TECPR2: variants seen among roughly 807,000 people sequenced by gnomAD.
TECPR2 encodes tectonin beta-propeller repeat-containing protein 2.
A neutral mutation model predicts 138.1 loss-of-function variants in TECPR2; 65 were observed. The ratio of observed to expected loss-of-function variants is 0.47; its 90% CI spans 0.39 to 0.58. The LOEUF is 0.58. TECPR2 is among the 20% of genes least tolerant of loss of function. The pLI is 0.00. For synonymous variants in TECPR2, 746 were observed against 749.8 expected (o/e 0.99, Z 0.08); for missense variants, 1,553 against 1,824.5 (o/e 0.85, Z 2.71).
chr14:102,378,293 CTAATT>C lies in TECPR2; in HGVS notation c.219+1357_219+1361del, dbSNP rs1413698592. Among the ~76,000 whole-genome samples, 5 of 152,170 alleles carry C rather than the reference CTAATT, an allele frequency of 3.3e-5. No individual in the cohort carries two copies. In the South Asian group the frequency reaches 8.3e-4, roughly 25 times the overall value. ...ATTAAAGTTTTCATTTAAAACGTAA[CTAATT>C]TAAGCCTCTGTGCTCATTTTAAAAT... On this transcript the variant is annotated intron_variant, in intron 2 of 19. Transcript: ENST00000359520.
intron 8 of TECPR2, 130 bp from the exon 9 acceptor site, chr14:102,434,105 T>C: frequency 1.3e-6 from 1 of 797,758 alleles, no homozygotes; most frequent in Non-Finnish European, 1.7e-6. Context: ...ACTTAAGAGG[T>C]TTATTCTTCA....
chr14:102,382,031 C>T (rs1447853639), intron 2 of TECPR2, among the ~76,000 whole-genome samples: 3 of 152,126 alleles, frequency 2.0e-5, no homozygotes, highest in Admixed American at 1.3e-4. Flanking sequence ...CGGTGGCTCA[C>T]GCCTGTAATC....
intron 2 of TECPR2, among the ~76,000 whole-genome samples, chr14:102,402,972 C>G (rs998954159): frequency 2.6e-5 from 4 of 152,162 alleles, no homozygotes; most frequent in Admixed American, 2.0e-4. Flanking sequence ...TAAAGAAGAA[C>G]TAACACTATT....
chr14:102,382,315 T>C (rs1403665798), intron 2 of TECPR2, among the ~76,000 whole-genome samples: 1 of 149,150 alleles, frequency 6.7e-6, no homozygotes, highest in Non-Finnish European at 1.5e-5. Flanking sequence ...AGAAAGAAAG[T>C]TGGAGTGGCT....
Position 102,498,209 on chromosome 14 carries a change from C to T in TECPR2, c.4188C>T (p.Ala1396=), listed in dbSNP as rs113941655. 41 of 1,608,040 alleles carry T rather than the reference C, an allele frequency of 2.5e-5. 2 individuals carry two copies. Among genetic ancestry groups the T allele is most frequent in the African/African-American group, 2.0e-4 (15 of 75,060 alleles). Reference sequence around the variant, plus strand: ...ACGGCACCCAGAAGAGCAGCCAGGCCGCCATGCCCCACCCTGAGGACCTGG... The same window carrying T: ...ACGGCACCCAGAAGAGCAGCCAGGCTGCCATGCCCCACCCTGAGGACCTGG... The part of the protein sequence containing the change: ...HSHGTQKSSQ[A]AMPHPEDLED... The change falls in exon 20 of 20, where the codon GCC becomes GCT. Residue 1396 remains alanine, a synonymous_variant. Coordinates refer to ENST00000359520, the MANE Select transcript of TECPR2 (RefSeq NM_014844.5).
At chr14:102,472,934 C>T (rs1437433406) in intron 17 of TECPR2, among the ~76,000 whole-genome samples, 2 of 152,258 alleles carry the variant, frequency 1.3e-5, no homozygotes, top group Non-Finnish European at 2.9e-5. Context: ...TTGCTGAGAT[C>T]AGAAGTGAAG....
intron 5 of TECPR2, among the ~76,000 whole-genome samples, chr14:102,421,894 GTGCTGTTTC>G (rs1396698894): frequency 1.3e-5 from 2 of 152,190 alleles, no homozygotes; most frequent in Non-Finnish European, 2.9e-5. Context: ...TCTAAAACCA[GTGCTGTTTC>G]TGCTTTTCAC....
At chr14:102,380,363 C>T (rs759134335) in intron 2 of TECPR2, among the ~76,000 whole-genome samples, 16 of 152,250 alleles carry the variant, frequency 1.1e-4, no homozygotes, top group Non-Finnish European at 1.9e-4. Context: ...TTAGCCCGTT[C>T]TCATGCTGCT....
intron 1 of TECPR2, 62 bp from the exon 2 acceptor site, chr14:102,376,588 T>A (rs1887643996): frequency 1.3e-6 from 1 of 768,478 alleles, no homozygotes; most frequent in Non-Finnish European, 2.1e-6. Flanking sequence ...GTTGCCAGTA[T>A]TAAACATACT....
chr14:102,405,746 T>G (rs531370360), intron 2 of TECPR2, among the ~76,000 whole-genome samples: 12 of 152,346 alleles, frequency 7.9e-5, no homozygotes, highest in African/African-American at 2.9e-4. Flanking sequence ...AGGAGCCTTA[T>G]TCACAGTAGT....
At chr14:102,399,278 C>G (rs1888405138) in intron 2 of TECPR2, among the ~76,000 whole-genome samples, 1 of 151,774 alleles carries the variant, frequency 6.6e-6, no homozygotes, top group African/African-American at 2.4e-5. Flanking sequence ...CAAAACAAAA[C>G]AAAAAAACAA....
Position 102,425,281 on chromosome 14 carries a change from C to T in TECPR2, c.941C>T (p.Thr314Ile), listed in dbSNP as rs767043358. 1.3e-6 allele frequency: 2 copies of T among 1,584,910 alleles called. No individual in the cohort carries two copies. Among genetic ancestry groups the T allele is most frequent in the Admixed American group, 3.5e-5 (2 of 57,014 alleles). Residue 314 changes from threonine to isoleucine, a missense_variant, in exon 6 of 20, where the codon ACA (threonine) becomes ATA (isoleucine). Coordinates refer to ENST00000359520, the MANE Select transcript of TECPR2 (RefSeq NM_014844.5). ...GAATATAGTATCTATCTCCTAGACA[C>T]AGTCAACCAGGTAAGTGAAGGGACG... is the stretch of plus-strand genomic sequence containing the variant. ...WNEYSIYLLDTVNQATVAGLE... is the reference protein window; with the variant it reads ...WNEYSIYLLDIVNQATVAGLE...
intron 17 of TECPR2, among the ~76,000 whole-genome samples, chr14:102,487,454 G>C (rs1054653615): frequency 6.6e-6 from 1 of 152,266 alleles, no homozygotes; most frequent in Non-Finnish European, 1.5e-5. Flanking sequence ...GCGCACACGT[G>C]TGTTGATAAA....
At chr14:102,493,812 T>C (rs886710078) in intron 17 of TECPR2, among the ~76,000 whole-genome samples, 1 of 152,194 alleles carries the variant, frequency 6.6e-6, no homozygotes, top group East Asian at 1.9e-4. Flanking sequence ...CCCTTGGATC[T>C]CACCGGTGCA....
At chr14:102,435,809 A>G (rs1163512561) in intron 9 of TECPR2, among the ~76,000 whole-genome samples, 2 of 152,180 alleles carry the variant, frequency 1.3e-5, no homozygotes, top group Non-Finnish European at 2.9e-5. Context: ...ATGACTTTTA[A>G]CTGTCCTTGA....
intron 6 of TECPR2, among the ~76,000 whole-genome samples, chr14:102,426,184 C>T (rs2139718050): frequency 6.6e-6 from 1 of 152,246 alleles, no homozygotes; most frequent in African/African-American, 2.4e-5. Flanking sequence ...CCGCGCCCGG[C>T]CGCCACTTGG....
intron 1 of TECPR2, among the ~76,000 whole-genome samples, chr14:102,367,564 G>A (rs969696258): frequency 6.6e-6 from 1 of 152,194 alleles, no homozygotes; most frequent in African/African-American, 2.4e-5. Context: ...ATTCCTCCGT[G>A]TTGTAGCATG....
intron 16 of TECPR2, among the ~76,000 whole-genome samples, chr14:102,453,652 A>T (rs1890207273): frequency 6.6e-6 from 1 of 152,150 alleles, no homozygotes; most frequent in Non-Finnish European, 1.5e-5. Context: ...AGTTGTGCAG[A>T]TGGCCCCCAG....
chr14:102,495,211 T>TA (rs1257262186), intron 17 of TECPR2, among the ~76,000 whole-genome samples: 3 of 151,692 alleles, frequency 2.0e-5, no homozygotes, highest in African/African-American at 7.3e-5. Flanking sequence ...GACCCTGTCT[T>TA]AAAAAAAATT....
Sources: gnomAD v4.1 joint callset for allele counts (sites outside exome capture counted in the v4.1 genomes callset) on GRCh38, gnomAD v4.1.1 for gene constraint, MANE v1.5 for transcripts, NCBI Gene and HGNC (gene_info 2026-07-23, HGNC 2026-07-21) for gene names.